The following RPTOR variants were observed in gnomAD, a reference collection of about 807,000 sequenced individuals.
RPTOR encodes regulatory associated protein of MTOR complex 1.
Under a neutral mutation model 169.9 loss-of-function variants are expected in RPTOR, and 21 were observed. The observed-to-expected ratio is 0.12, with a 90% CI of 0.09 to 0.18. The LOEUF is 0.18. Ranked by LOEUF, RPTOR falls within the 10% of genes least tolerant of loss-of-function variation. The pLI, the probability that RPTOR is intolerant of heterozygous loss-of-function variation, is 1.00. For synonymous variants in RPTOR, 732 were observed against 753.2 expected (o/e 0.97, Z 0.46); for missense variants, 1,133 against 1,855.9 (o/e 0.61, Z 7.16).
intron 9 of RPTOR, among the ~76,000 whole-genome samples, chr17:80,835,634 C>T (rs997977062): frequency 1.3e-5 from 2 of 152,218 alleles, no homozygotes; most frequent in Admixed American, 6.5e-5. Flanking sequence ...CCCCTCCCGA[C>T]CTTGCGGGCG....
At chr17:80,835,415 G>A (rs954058549) in intron 9 of RPTOR, among the ~76,000 whole-genome samples, 22 of 152,266 alleles carry the variant, frequency 1.4e-4, no homozygotes, top group African/African-American at 3.9e-4. Context: ...AGAAGAGAGC[G>A]CAGTGCTAGA....
At chr17:80,849,347 C>A (rs970646483) in intron 11 of RPTOR, among the ~76,000 whole-genome samples, 1 of 152,216 alleles carries the variant, frequency 6.6e-6, no homozygotes, top group African/African-American at 2.4e-5. Context: ...CGCACGGTGT[C>A]TCATCAGGTC....
At chr17:80,625,537 G>A (rs2065386540) in intron 1 of RPTOR, among the ~76,000 whole-genome samples, 154 bp from the exon 2 acceptor site, 1 of 152,208 alleles carries the variant, frequency 6.6e-6, no homozygotes, top group Non-Finnish European at 1.5e-5. Flanking sequence ...CTGCACTAGG[G>A]CTGGGGTAGC....
chr17:80,919,322 A>G (rs1020392710), intron 21 of RPTOR, among the ~76,000 whole-genome samples: 1 of 152,202 alleles, frequency 6.6e-6, no homozygotes, highest in African/African-American at 2.4e-5. Flanking sequence ...CGCTATTCTT[A>G]GCCCAAAAGT....
intron 13 of RPTOR, among the ~76,000 whole-genome samples, chr17:80,864,534 T>C (rs985503299): frequency 1.3e-5 from 2 of 152,174 alleles, no homozygotes; most frequent in African/African-American, 4.8e-5. Flanking sequence ...AACCTAGAAT[T>C]CTATACCCAC....
intron 3 of RPTOR, among the ~76,000 whole-genome samples, chr17:80,647,699 G>A (rs1160294849): frequency 1.3e-5 from 2 of 152,164 alleles, no homozygotes; most frequent in African/African-American, 2.4e-5. Context: ...TCTGTCCGTC[G>A]GGCAGGTGTG....
At chr17:80,806,154 T>A (rs1455166787) in intron 7 of RPTOR, among the ~76,000 whole-genome samples, 1 of 152,218 alleles carries the variant, frequency 6.6e-6, no homozygotes, top group Non-Finnish European at 1.5e-5. Context: ...GGTGGAATTA[T>A]GGAACTTTCT....
intron 1 of RPTOR, among the ~76,000 whole-genome samples, chr17:80,620,125 G>A (rs1414643300): frequency 6.6e-6 from 1 of 152,178 alleles, no homozygotes; most frequent in African/African-American, 2.4e-5. Flanking sequence ...AACTGTTCAG[G>A]AGGGATTGAA....
rs534974466 is a variant in RPTOR at position 80,833,990 on chromosome 17, AAAAAC to A, written c.1137-3917_1137-3913del. ...GGTGACAGAGTGAGACTCCGTCTCA[AAAAAC>A]AAAACAAAACAAAAGGTTGCCATGC... On this transcript the variant is annotated intron_variant, in intron 9 of 33. Coordinates refer to ENST00000306801, the MANE Select transcript of RPTOR (RefSeq NM_020761.3). 1.7e-4 allele frequency among the ~76,000 whole-genome samples: 26 copies of A among 152,380 alleles called. No individual in the cohort carries two copies. The South Asian group carries it at 4.4e-3, about 26-fold the overall frequency.
At chr17:80,922,608 G>A (rs968384261) in intron 21 of RPTOR, 116 bp from the exon 22 acceptor site, 34 of 831,130 alleles carry the variant, frequency 4.1e-5, no homozygotes, top group African/African-American at 5.1e-5. Context: ...GTGCTTCCTC[G>A]GCCAAAGGCC....
Position 80,818,009 on chromosome 17 carries a change from G to A in RPTOR, c.891-4192G>A, listed in dbSNP as rs562592720. Among the ~76,000 whole-genome samples, 14 of 152,356 alleles carry A rather than the reference G, an allele frequency of 9.2e-5. No homozygotes were observed. In the South Asian group the frequency reaches 2.9e-3, roughly 32 times the overall value. On this transcript the variant is annotated intron_variant, in intron 7 of 33. Coordinates refer to ENST00000306801, the MANE Select transcript of RPTOR (RefSeq NM_020761.3). ...ATGCCACAGGTGAGCCCGGAAGTGT[G>A]GGGGAAGGTGGAGATAAACCCTCCT...
At chr17:80,879,530 G>A (rs1303849484) in intron 13 of RPTOR, among the ~76,000 whole-genome samples, 1 of 151,542 alleles carries the variant, frequency 6.6e-6, no homozygotes, top group Admixed American at 6.6e-5. Flanking sequence ...TCACTGCCCT[G>A]GACAGTTCTG....
At position 80,885,039 on chromosome 17, in the gene RPTOR, C is replaced by T. The variant is rs146011201; in HGVS notation, c.1874C>T (p.Thr625Met). 1.5e-5 allele frequency: 24 copies of T among 1,609,400 alleles called. No homozygotes were observed. The highest frequency in any genetic ancestry group is 5.3e-5 in the African/African-American group (4 of 74,918). Residue 625 changes from threonine to methionine, a missense_variant, in exon 17 of 34, where the codon ACG (threonine) becomes ATG (methionine). Transcript: ENST00000306801. ...TGCGCAGCGGTCTTCGCCCTTGGCA[C>T]GTTCGTGGGCAACTCTGCAGAGAGG... ...VRCAAVFALG[T>M]FVGNSAERTD...
rs147152757 is a variant in RPTOR, at chr17:80,837,967, G to A, written c.1182G>A (p.Pro394=). Residue 394 remains proline, a synonymous_variant, in exon 10 of 34, where the codon CCG becomes CCA. Transcript: ENST00000306801. Reference sequence around the variant, plus strand: ...TTGACATCTGTCTGTCTCAGCTGCCGACGATCATCGAGGAAGGCACTGCGT... The same window carrying A: ...TTGACATCTGTCTGTCTCAGCTGCCAACGATCATCGAGGAAGGCACTGCGT... ...LAVDICLSQL[P]TIIEEGTAFR... The A allele has an allele frequency of 2.5e-5, 41 of 1,611,842 alleles. No homozygotes were observed. The highest frequency in any genetic ancestry group is 1.2e-4 in the South Asian group (11 of 90,430).
chr17:80,752,520 T>C (rs572848393), intron 5 of RPTOR, among the ~76,000 whole-genome samples: 34 of 152,384 alleles, frequency 2.2e-4, no homozygotes, highest in African/African-American at 8.2e-4. Flanking sequence ...TCATGTGTTA[T>C]ACTTATTAAA....
chr17:80,891,499 T>C (rs2068323067), intron 17 of RPTOR, among the ~76,000 whole-genome samples: 1 of 152,240 alleles, frequency 6.6e-6, no homozygotes, highest in Non-Finnish European at 1.5e-5. Flanking sequence ...GCAGGCATTC[T>C]GGGCTTCCCC....
At chr17:80,785,711 T>C (rs1271942584) in intron 6 of RPTOR, among the ~76,000 whole-genome samples, 1 of 152,058 alleles carries the variant, frequency 6.6e-6, no homozygotes, top group Non-Finnish European at 1.5e-5. Context: ...CTGAGTTGGG[T>C]ATGACAAGAA....
chr17:80,724,571 G>A (rs1441165504), intron 4 of RPTOR, among the ~76,000 whole-genome samples: 1 of 152,180 alleles, frequency 6.6e-6, no homozygotes, highest in Non-Finnish European at 1.5e-5. Context: ...AGAGATGCTT[G>A]CGAGTTCTAC....
At chr17:80,737,142 T>A (rs1480642500) in intron 5 of RPTOR, among the ~76,000 whole-genome samples, 1 of 152,236 alleles carries the variant, frequency 6.6e-6, no homozygotes, top group Non-Finnish European at 1.5e-5. Flanking sequence ...TTGGTTAATT[T>A]AGATTATTCT....
Sources: gnomAD v4.1 joint callset for allele counts (sites outside exome capture counted in the v4.1 genomes callset) on GRCh38, gnomAD v4.1.1 for gene constraint, MANE v1.5 for transcripts, NCBI Gene and HGNC (gene_info 2026-07-23, HGNC 2026-07-21) for gene names.